ENKUR: variants seen among roughly 807,000 people sequenced by gnomAD.
ENKUR encodes enkurin, TRPC channel interacting protein.
Under a neutral mutation model 27.6 loss-of-function variants are expected in ENKUR, and 19 were observed. That is an observed-to-expected ratio of 0.69 (90% CI 0.48 to 1.01). ENKUR has a LOEUF of 1.01. Ranked by LOEUF, ENKUR falls within the 50% of genes least tolerant of loss-of-function variation. The pLI is 0.00. For synonymous variants in ENKUR, 117 were observed against 96.9 expected (o/e 1.21, Z -1.22); for missense variants, 312 against 310.5 (o/e 1.00, Z -0.04).
In ENKUR at chr10:24,999,418, TC is replaced by T. The variant is rs747895143; in HGVS notation, c.205del (p.Glu69LysfsTer22). 9.3e-6 allele frequency: 15 copies of T among 1,608,856 alleles called. No homozygotes were observed. The highest frequency in any genetic ancestry group is 1.3e-5 in the Non-Finnish European group (15 of 1,178,718). Reference protein sequence around the residue: ...PKDFLKKHSKEKTLPPKKNFD... With the variant: ...PKDFLKKHSKXKTLPPKKNFD... ...AAACCTACTGGGTGGTAGAGTTTTT[TC>T]CTTTGAATGTTTCTTTAGGAAATCC... On this transcript the variant is annotated frameshift_variant, in exon 2 of 6. Transcript: ENST00000331161. LOFTEE classifies it high-confidence loss of function.
At chr10:25,017,450 AAC>A (rs1037352446), upstream of ENKUR, among the ~76,000 whole-genome samples, 9 of 152,054 alleles carry the variant, frequency 5.9e-5, no homozygotes, top group African/African-American at 2.2e-4. Context: ...GAGGAGAGAA[AAC>A]ACACTTGAGT....
chr10:24,988,376 GTATATATGTGTATATATT>G (rs933018335), intron 4 of ENKUR, among the ~76,000 whole-genome samples: 6 of 141,428 alleles, frequency 4.2e-5, no homozygotes, highest in South Asian at 2.2e-4. Flanking sequence ...ATTTATATAT[GTATATATGTGTATATATT>G]TATATATGTG....
upstream of ENKUR, among the ~76,000 whole-genome samples, chr10:25,018,614 C>T (rs74891901): frequency 0.015 from 2,192 of 148,666 alleles, 33 homozygotes; most frequent in Non-Finnish European, 0.022. Context: ...CCTAGATCCC[C>T]GTATATAATG....
chr10:25,006,073 T>G (rs1410168106), intron 1 of ENKUR, among the ~76,000 whole-genome samples: 1 of 152,216 alleles, frequency 6.6e-6, no homozygotes, highest in Non-Finnish European at 1.5e-5. Context: ...AAAATTTAAA[T>G]TACATACATG....
intron 2 of ENKUR, among the ~76,000 whole-genome samples, chr10:25,057,591 A>G (rs2130497391): frequency 6.6e-6 from 1 of 152,294 alleles, no homozygotes; most frequent in Admixed American, 6.5e-5. Context: ...AAAAGTCAGT[A>G]TCAGGCTGCT....
chr10:25,043,758 A>G (rs1190265600), intron 2 of ENKUR, among the ~76,000 whole-genome samples: 2 of 152,124 alleles, frequency 1.3e-5, no homozygotes, highest in African/African-American at 4.8e-5. Flanking sequence ...AAGGTTCTCA[A>G]GGCTCTGTTC....
At chr10:24,998,566 A>G (rs963664741) in intron 2 of ENKUR, among the ~76,000 whole-genome samples, 4 of 151,662 alleles carry the variant, frequency 2.6e-5, no homozygotes, top group Admixed American at 6.6e-5. Context: ...ATTTTTTTGT[A>G]CGGACGGGGT....
At chr10:25,020,276 A>ATCTATATCTATATCTATATC (rs1850693148), upstream of ENKUR, among the ~76,000 whole-genome samples, 1 of 149,428 alleles carries the variant, frequency 6.7e-6, no homozygotes, top group Non-Finnish European at 1.5e-5. Context: ...ATCTATATCT[A>ATCTATATCTATATCTATATC]TATATATCTA....
chr10:24,983,055 T>C lies in ENKUR; in HGVS notation c.*1315A>G, dbSNP rs1399144154. Reference sequence around the variant, plus strand: ...ATAAAATACTTACCTAAACATCTCATCCTGAATTGGCAGAGAAAGACTGCC... The same window carrying C: ...ATAAAATACTTACCTAAACATCTCACCCTGAATTGGCAGAGAAAGACTGCC... On this transcript the variant is annotated 3_prime_UTR_variant, in exon 6 of 6. Transcript: ENST00000331161. The C allele has an allele frequency of 1.3e-5, 2 of 152,178 alleles. No homozygotes were observed. Among genetic ancestry groups the C allele is most frequent in the Non-Finnish European group, 2.9e-5 (2 of 68,044 alleles). The allele number at this position is 152,178 out of a possible 1,614,324, so 9.4% of individuals were successfully genotyped here.
At chr10:25,036,253 T>A (rs1851006528) in intron 2 of ENKUR, among the ~76,000 whole-genome samples, 2 of 152,122 alleles carry the variant, frequency 1.3e-5, no homozygotes, top group Admixed American at 6.6e-5. Flanking sequence ...TAGTAATAAG[T>A]CTCACGAGAT....
intron 3 of ENKUR, among the ~76,000 whole-genome samples, chr10:24,994,702 AT>A (rs1369924160): frequency 6.6e-6 from 1 of 152,084 alleles, no homozygotes; most frequent in Non-Finnish European, 1.5e-5. Flanking sequence ...ATTAAATAAG[AT>A]TTTTTGTAAG....
chr10:24,982,293 G>C lies in ENKUR; in HGVS notation c.*2077C>G, dbSNP rs1849684242. 1 of 152,226 alleles carries C rather than the reference G, an allele frequency of 6.6e-6. No individual in the cohort carries two copies. Among genetic ancestry groups the C allele is most frequent in the Admixed American group, 6.5e-5 (1 of 15,276 alleles). 9.4% of individuals were successfully genotyped at this position (152,226 alleles called of 1,614,324 possible). A position where few individuals can be genotyped will look rare whatever the true frequency, so the allele number is the denominator to read the frequency against. ...GAGAGAAAGAAAAGGGCAGTTTTCT[G>C]GGTGGAGGGAACCATGTGTGCAGAT... On this transcript the variant is annotated 3_prime_UTR_variant, in exon 6 of 6. Transcript: ENST00000331161.
At chr10:25,038,697 A>T in intron 2 of ENKUR, among the ~76,000 whole-genome samples, 1 of 152,246 alleles carries the variant, frequency 6.6e-6, no homozygotes, top group East Asian at 1.9e-4. Context: ...TAATGTAACC[A>T]GGAAGAATCC....
chr10:25,053,709 C>T (rs1851214669), intron 2 of ENKUR, among the ~76,000 whole-genome samples: 1 of 152,136 alleles, frequency 6.6e-6, no homozygotes, highest in Non-Finnish European at 1.5e-5. Flanking sequence ...TTCTTGGTCA[C>T]TCAGGTAGTT....
chr10:25,004,420 C>T (rs1270696208), intron 1 of ENKUR, among the ~76,000 whole-genome samples: 2 of 152,084 alleles, frequency 1.3e-5, no homozygotes, highest in Non-Finnish European at 2.9e-5. Context: ...CCTTTTTCTC[C>T]ACAACCTCAC....
chr10:25,025,469 A>G (rs771897705), intron 2 of ENKUR: 5 of 1,585,004 alleles, frequency 3.2e-6, no homozygotes, highest in Non-Finnish European at 4.3e-6. Flanking sequence ...CTTTCAGAGT[A>G]AATTTTTTTT....
chr10:24,990,992 C>T (rs971046698), intron 3 of ENKUR, among the ~76,000 whole-genome samples: 11 of 152,170 alleles, frequency 7.2e-5, no homozygotes, highest in Non-Finnish European at 1.3e-4. Context: ...CCCAGCTATT[C>T]GGGTGGCTGA....
chr10:25,023,406 G>A, intron 2 of ENKUR: 1 of 1,614,100 alleles, frequency 6.2e-7, no homozygotes, highest in Non-Finnish European at 8.5e-7. Flanking sequence ...TTATCCTGAT[G>A]GGACCTCCTG....
At chr10:25,058,492 G>A (rs958180983) in intron 2 of ENKUR, among the ~76,000 whole-genome samples, 2 of 152,176 alleles carry the variant, frequency 1.3e-5, no homozygotes, top group African/African-American at 4.8e-5. Context: ...ACAGGCATGA[G>A]TCGTTGGGAC....
Sources: gnomAD v4.1 joint callset for allele counts (sites outside exome capture counted in the v4.1 genomes callset) on GRCh38, gnomAD v4.1.1 for gene constraint, MANE v1.5 for transcripts, NCBI Gene and HGNC (gene_info 2026-07-23, HGNC 2026-07-21) for gene names.